Variants in DMD observed in about 807,000 individuals in gnomAD.
DMD encodes mutant dystrophin.
A neutral mutation model predicts 330.1 loss-of-function variants in DMD; 63 were observed. That is an observed-to-expected ratio of 0.19 (90% CI 0.16 to 0.24). The LOEUF is 0.24. Ranked by LOEUF, DMD falls within the 10% of genes least tolerant of loss-of-function variation. The pLI is 1.00. For synonymous variants in DMD, 1,223 were observed against 959.8 expected, an observed-to-expected ratio of 1.27 and a Z score of -5.07; for missense variants, 3,344 against 2,684.1, an observed-to-expected ratio of 1.25 and a Z score of -5.43.
intron 1 of DMD, among the ~76,000 whole-genome samples, chrX:33,129,325 CTTTTT>C (rs58505662): frequency 5.2e-4 from 16 of 30,716 alleles, no homozygotes; most frequent in Admixed American, 2.0e-3. Flanking sequence ...TTAAGGTTTG[CTTTTT>C]TTTTTTTTTT....
intron 43 of DMD, among the ~76,000 whole-genome samples, chrX:32,235,125 A>G (rs921384092): frequency 1.8e-5 from 2 of 111,695 alleles, no homozygotes; most frequent in Admixed American, 1.9e-4. Flanking sequence ...ATAATATATA[A>G]TGAAATAATT....
At chrX:33,326,592 A>G (rs1311626961) in intron 1 of DMD, among the ~76,000 whole-genome samples, 1 of 112,098 alleles carries the variant, frequency 8.9e-6, no homozygotes, top group Non-Finnish European at 1.9e-5. Context: ...TGGTGGATAT[A>G]AGATTAGACT....
At chrX:31,630,505 A>G (rs2079079575) in intron 54 of DMD, among the ~76,000 whole-genome samples, 1 of 111,060 alleles carries the variant, frequency 9.0e-6, no homozygotes, top group African/African-American at 3.3e-5. Context: ...ATGTGTGTGT[A>G]CGTTGAATCC....
Position 31,907,315 on chromosome X carries a change from A to G in DMD, c.6912+22281T>C, listed in dbSNP as rs1226896209. Among the ~76,000 whole-genome samples the G allele has an allele frequency of 8.9e-5, 10 of 111,821 alleles. No homozygotes were observed. In the East Asian group the frequency reaches 2.3e-3, roughly 25 times the overall value. ...GTTATCCCTAAAAGAAGATGTAGGA[A>G]ACTAAGGCTACTGTAACCAAAACAG... is the stretch of plus-strand genomic sequence containing the variant. On this transcript the variant is annotated intron_variant, in intron 47 of 78. Coordinates refer to ENST00000357033, the MANE Select transcript of DMD (RefSeq NM_004006.3).
intron 52 of DMD, among the ~76,000 whole-genome samples, chrX:31,721,696 C>A (rs866860457): frequency 0.18 from 11,671 of 65,842 alleles, 849 homozygotes; most frequent in Admixed American, 0.38. Flanking sequence ...CTCTCTCTCT[C>A]TCTCTCTCTC....
intron 63 of DMD, among the ~76,000 whole-genome samples, chrX:31,253,855 GT>G (rs1433441914): frequency 8.9e-6 from 1 of 111,898 alleles, no homozygotes; most frequent in Non-Finnish European, 1.9e-5. Flanking sequence ...AAATCTTATG[GT>G]TTTTAAAGAC....
intron 43 of DMD, among the ~76,000 whole-genome samples, chrX:32,260,649 A>T (rs2097318334): frequency 9.0e-6 from 1 of 111,620 alleles, no homozygotes; most frequent in African/African-American, 3.3e-5. Flanking sequence ...CCAAAAAGTA[A>T]CTTCCCTGGA....
chrX:32,713,375 G>T (rs1371601307), intron 7 of DMD, among the ~76,000 whole-genome samples: 1 of 111,170 alleles, frequency 9.0e-6, no homozygotes, highest in Non-Finnish European at 1.9e-5. Context: ...CTGGTGGGAA[G>T]TACCAGCTGG....
intron 2 of DMD, among the ~76,000 whole-genome samples, chrX:33,012,206 C>T (rs1392735103): frequency 6.3e-5 from 7 of 111,450 alleles, no homozygotes; most frequent in African/African-American, 2.3e-4. Context: ...AGGTACTTTG[C>T]AAAGATTGTT....
At chrX:32,745,632 G>T (rs1397163118) in intron 7 of DMD, among the ~76,000 whole-genome samples, 3 of 112,099 alleles carry the variant, frequency 2.7e-5, no homozygotes, top group African/African-American at 9.7e-5. Flanking sequence ...TGTGCTTTGA[G>T]AAATAAAAAG....
chrX:32,865,505 G>A (rs1013348610), intron 2 of DMD, among the ~76,000 whole-genome samples: 1 of 111,260 alleles, frequency 9.0e-6, no homozygotes, highest in African/African-American at 3.3e-5. Context: ...TGAAATAGAC[G>A]CACTGTTCAA....
chrX:31,438,985 A>G (rs969976929), intron 60 of DMD, among the ~76,000 whole-genome samples: 1 of 111,346 alleles, frequency 9.0e-6, no homozygotes, highest in African/African-American at 3.3e-5. Flanking sequence ...TTTAAAATGA[A>G]GCCACACAAA....
intron 11 of DMD, among the ~76,000 whole-genome samples, chrX:32,628,674 G>A (rs1160641167): frequency 9.1e-6 from 1 of 110,266 alleles, no homozygotes; most frequent in Non-Finnish European, 1.9e-5. Context: ...TTTCCTCATA[G>A]TACTGCTTTC....
At chrX:31,351,155 T>C (rs75924221) in intron 60 of DMD, among the ~76,000 whole-genome samples, 1 of 82,599 alleles carries the variant, frequency 1.2e-5, no homozygotes, top group Non-Finnish European at 2.3e-5. Context: ...TAGACATACA[T>C]ATATACACAC....
At chrX:32,570,792 A>G (rs2052329816) in intron 15 of DMD, among the ~76,000 whole-genome samples, 1 of 111,801 alleles carries the variant, frequency 8.9e-6, no homozygotes, top group Non-Finnish European at 1.9e-5. Flanking sequence ...ACTAGATGAG[A>G]TGCAAAATCT....
chrX:31,472,381 A>G (rs906885551), intron 59 of DMD, among the ~76,000 whole-genome samples: 1 of 112,437 alleles, frequency 8.9e-6, no homozygotes, highest in Non-Finnish European at 1.9e-5. Flanking sequence ...ATAAATGGGA[A>G]GCATAACAAA....
chrX:32,219,993 G>C (rs1239887998), intron 43 of DMD, among the ~76,000 whole-genome samples: 1 of 110,947 alleles, frequency 9.0e-6, no homozygotes, highest in Non-Finnish European at 1.9e-5. Context: ...ATTCTCCCAA[G>C]AGAAGAAAAC....
chrX:31,489,011 A>G (rs1751442843), intron 57 of DMD, among the ~76,000 whole-genome samples: 1 of 112,108 alleles, frequency 8.9e-6, no homozygotes, highest in Non-Finnish European at 1.9e-5. Context: ...CTTGAGATAC[A>G]CAGCTCATCT....
At chrX:31,833,346 A>C in intron 49 of DMD, among the ~76,000 whole-genome samples, 1 of 62,811 alleles carries the variant, frequency 1.6e-5, no homozygotes, top group Non-Finnish European at 2.9e-5. Context: ...GAGAGTGGAG[A>C]GGGAGGGAGG....
Sources: allele counts gnomAD v4.1 joint callset (sites outside exome capture counted in the v4.1 genomes callset), GRCh38; gene constraint gnomAD v4.1.1; transcripts MANE v1.5; gene names NCBI Gene and HGNC (gene_info 2026-07-23, HGNC 2026-07-21).